Variants in ZNF516 observed in about 807,000 individuals in gnomAD.
ZNF516 encodes the protein zinc finger protein 516.
Under a neutral mutation model 79.7 loss-of-function variants are expected in ZNF516, and 19 were observed. That is an observed-to-expected ratio of 0.24 (90% CI 0.17 to 0.35). ZNF516 has a LOEUF of 0.35. Ranked by LOEUF, ZNF516 falls within the 10% of genes least tolerant of loss-of-function variation. The pLI is 1.00. For missense variants in ZNF516, 1,678 were observed against 1,679.5 expected (o/e 1.00, Z 0.02); for synonymous variants, 877 against 739.5 (o/e 1.19, Z -3.02).
rs1477488156 is a variant in ZNF516, at chr18:76,446,116, C to A, written c.-157-2905G>T. Among the ~76,000 whole-genome samples the A allele has an allele frequency of 3.9e-5, 6 of 152,348 alleles. No individual in the cohort carries two copies. The East Asian group carries it at 1.2e-3, about 29-fold the overall frequency. On this transcript the variant is annotated intron_variant, in intron 2 of 6. Transcript: ENST00000443185. ...GTCACCAGCCACATGCCTTTCTAGG[C>A]GTGTCCTTCACGCCCTCAACTCGTC...
At chr18:76,474,902 T>C (rs769965920) in intron 1 of ZNF516, among the ~76,000 whole-genome samples, 2 of 152,186 alleles carry the variant, frequency 1.3e-5, no homozygotes, top group Non-Finnish European at 2.9e-5. Flanking sequence ...AATTTTCTAA[T>C]AAAATCTAAC....
Position 76,459,220 on chromosome 18 carries a change from G to A in ZNF516, c.-158+3808C>T, listed in dbSNP as rs143716832. ...GCTGCCCCTCTCCTGTGCATAGGGC[G>A]CTCTCTCCCTGCCCCGAGCTTCGGC... On this transcript the variant is annotated intron_variant, in intron 2 of 6. Transcript: ENST00000443185. This position sits in a 1 kb window ranked among gnomAD's most constrained non-coding sequence, Gnocchi z 5.0. 2.7e-3 allele frequency among the ~76,000 whole-genome samples: 406 copies of A among 152,294 alleles called. 1 individual carries two copies. Among genetic ancestry groups the A allele is most frequent in the African/African-American group, 8.9e-3 (368 of 41,564 alleles).
At chr18:76,466,301 G>A (rs1032034469) in intron 1 of ZNF516, among the ~76,000 whole-genome samples, 1 of 152,190 alleles carries the variant, frequency 6.6e-6, no homozygotes, top group African/African-American at 2.4e-5. Flanking sequence ...GCACAGGGAG[G>A]GCTCTTGCAA....
At position 76,442,828 on chromosome 18, in the gene ZNF516, T is replaced by A. The variant is rs910183487; in HGVS notation, c.227A>T (p.Asn76Ile). The A allele has an allele frequency of 1.2e-6, 2 of 1,612,774 alleles. No individual in the cohort carries two copies. Among genetic ancestry groups the A allele is most frequent in the African/African-American group, 2.7e-5 (2 of 74,922 alleles). Residue 76 changes from asparagine to isoleucine, a missense_variant, in exon 3 of 7, where the codon AAC (asparagine) becomes ATC (isoleucine). Around this residue, in one of 5 missense-constraint regions of ZNF516, gnomAD observed 26 missense variants for 66.4 expected, o/e 0.39. Coordinates refer to ENST00000443185, the MANE Select transcript of ZNF516 (RefSeq NM_014643.4). ...YCDHRASQKG[N>I]LKIHIRSHRT... ...GTGGCTCCGGATGTGAATCTTCAGGTTGCCCTTCTGGGAAGCCCGGTGGTC... is the reference window on the plus strand; with the variant it reads ...GTGGCTCCGGATGTGAATCTTCAGGATGCCCTTCTGGGAAGCCCGGTGGTC...
At position 76,380,149 on chromosome 18, in the gene ZNF516, G is replaced by A. The variant is rs371923323; in HGVS notation, c.1965C>T (p.Asn655=). 2 of 1,613,922 alleles carry A rather than the reference G, an allele frequency of 1.2e-6. No homozygotes were observed. The highest frequency in any genetic ancestry group is 1.3e-5 in the African/African-American group (1 of 74,994). The part of the protein sequence containing the change: ...GIAASVSILE[N]SSRETSRRQE... ...GCCTTCTAGAAGTCTCTCTGCTACT[G>A]TTTTCAAGTATGGACACAGAAGCTG... The change falls in exon 4 of 7, where the codon AAC becomes AAT. Residue 655 remains asparagine, a synonymous_variant. Transcript: ENST00000443185.
chr18:76,495,132 C>G lies in ZNF516; in HGVS notation c.-272+12G>C, dbSNP rs1353174156. 1 of 150,048 alleles carries G rather than the reference C, an allele frequency of 6.7e-6. No homozygotes were observed. The highest frequency in any genetic ancestry group is 2.0e-4 in the East Asian group (1 of 5,052). 9.3% of individuals were successfully genotyped at this position (150,048 alleles called of 1,614,324 possible). A position where few individuals can be genotyped will look rare whatever the true frequency, so the allele number is the denominator to read the frequency against. On this transcript the variant is annotated intron_variant, in intron 1 of 6. Transcript: ENST00000443185. ...CCTGCGGCGCAGCCCTCCCCCCGCC[C>G]GCGGCCCCTACCTTGGCAGGGAGGC...
chr18:76,436,096 C>T (rs925634782), intron 3 of ZNF516, among the ~76,000 whole-genome samples: 1 of 152,238 alleles, frequency 6.6e-6, no homozygotes, highest in African/African-American at 2.4e-5. Flanking sequence ...GGCTGTGGCA[C>T]GACGAAGGAA....
chr18:76,378,597 A>G (rs540590653), intron 4 of ZNF516, among the ~76,000 whole-genome samples: 3 of 152,194 alleles, frequency 2.0e-5, no homozygotes, highest in Non-Finnish European at 4.4e-5. Context: ...ACCTCCTCCC[A>G]GGGCCAACGT....
At chr18:76,392,627 A>G (rs112206123) in intron 3 of ZNF516, among the ~76,000 whole-genome samples, 3 of 78,750 alleles carry the variant, frequency 3.8e-5, no homozygotes, top group Admixed American at 3.0e-4. Context: ...ACAAGTGGCC[A>G]GGTGGAGGGA....
intron 3 of ZNF516, among the ~76,000 whole-genome samples, chr18:76,440,745 TG>T: frequency 2.7e-5 from 1 of 37,724 alleles, no homozygotes; most frequent in Non-Finnish European, 5.7e-5. Context: ...TGTGTGTTTG[TG>T]TGTGTGTGTG....
At position 76,358,388 on chromosome 18, in the gene ZNF516, T is replaced by C. The variant is rs574945142; in HGVS notation, c.*4110A>G. 6.6e-6 allele frequency: 1 copy of C among 152,326 alleles called. No homozygotes were observed. Among genetic ancestry groups the C allele is most frequent in the Admixed American group, 6.5e-5 (1 of 15,304 alleles). 9.4% of individuals were successfully genotyped at this position (152,326 alleles called of 1,614,324 possible). ...GTATTTTAAAAAAAGAAATACAAAT[T>C]CTATGGTCTTTTGCATTTTACTGCC... On this transcript the variant is annotated 3_prime_UTR_variant, in exon 7 of 7. Coordinates refer to ENST00000443185, the MANE Select transcript of ZNF516 (RefSeq NM_014643.4).
rs778571913 is a variant in ZNF516 at position 76,441,638 on chromosome 18, C to T, written c.1417G>A (p.Ala473Thr). The change falls in exon 3 of 7, where the codon GCG becomes ACG. Residue 473 changes from alanine to threonine, a missense_variant. Coordinates refer to ENST00000443185, the MANE Select transcript of ZNF516 (RefSeq NM_014643.4). ...GCGCGCTTCCGCGGGGGCCCCTGCGCGGCTGGTGCATCCTGCTCACGCTTG... is the reference window on the plus strand; with the variant it reads ...GCGCGCTTCCGCGGGGGCCCCTGCGTGGCTGGTGCATCCTGCTCACGCTTG... Reference protein sequence around the residue: ...KRKREQDAPAAQGPPRKRASG... With the variant: ...KRKREQDAPATQGPPRKRASG... 4.2e-5 allele frequency: 64 copies of T among 1,529,666 alleles called. 1 individual carries two copies. The Middle Eastern group carries it at 1.2e-3, about 29-fold the overall frequency. The allele number at this position is 1,529,666 out of a possible 1,614,324, so 94.8% of individuals were successfully genotyped here.
Position 76,379,931 on chromosome 18 carries a change from G to C in ZNF516, c.2183C>G (p.Pro728Arg). ...HSGGGKRALAPDLMPLDLSAR... is the reference protein window; with the variant it reads ...HSGGGKRALARDLMPLDLSAR... ...ACTTAAATCTAGCGGCATGAGGTCTGGGGCCAGCGCCCGCTTCCCTCCCCC... is the reference window on the plus strand; with the variant it reads ...ACTTAAATCTAGCGGCATGAGGTCTCGGGCCAGCGCCCGCTTCCCTCCCCC... The change falls in exon 4 of 7, where the codon CCA (proline) becomes CGA (arginine). Residue 728 changes from proline to arginine, a missense_variant. Physicochemically the swap from Pro to Arg is moderately radical, Grantham distance 103. This residue lies in a region of ZNF516 where 1,294 missense variants were observed against 1,248.3 expected (regional missense o/e 1.04). Coordinates refer to ENST00000443185, the MANE Select transcript of ZNF516 (RefSeq NM_014643.4). 1 of 1,613,978 alleles carries C rather than the reference G, an allele frequency of 6.2e-7. No homozygotes were observed.
At chr18:76,395,916 G>T (rs73978107) in intron 3 of ZNF516, among the ~76,000 whole-genome samples, 4 of 152,234 alleles carry the variant, frequency 2.6e-5, no homozygotes, top group African/African-American at 9.6e-5. Context: ...GAGCTTCACC[G>T]TCCGGAAGTG....
At chr18:76,382,407 TA>T (rs1486259736) in intron 3 of ZNF516, among the ~76,000 whole-genome samples, 2 of 152,158 alleles carry the variant, frequency 1.3e-5, no homozygotes, top group African/African-American at 4.8e-5. Flanking sequence ...TTCCCTGCAG[TA>T]AAGGAATACA....
intron 3 of ZNF516, among the ~76,000 whole-genome samples, chr18:76,415,522 A>C (rs1272305234): frequency 6.6e-6 from 1 of 152,198 alleles, no homozygotes; most frequent in African/African-American, 2.4e-5. Context: ...GGGCACAGCC[A>C]GCTCTCAGCG....
chr18:76,362,522 T>G lies in ZNF516; in HGVS notation c.3468A>C (p.Thr1156=). 1 of 1,613,384 alleles carries G rather than the reference T, an allele frequency of 6.2e-7. No individual in the cohort carries two copies. Among genetic ancestry groups the G allele is most frequent in the Non-Finnish European group, 8.5e-7 (1 of 1,179,382 alleles). Residue 1156 remains threonine (T), a synonymous_variant, in exon 7 of 7, where the codon ACA becomes ACC. Transcript: ENST00000443185. ...RDHSNTGTVQ[T]VPLRKGT is the part of the protein sequence containing the mutation. ...TTTAGGTTCCCTTTCTCAGAGGCAC[T>G]GTCTGGACGGTACCTGTGTTAGAAT...
intron 3 of ZNF516, among the ~76,000 whole-genome samples, chr18:76,411,124 A>AGG (rs2075368297): frequency 6.6e-6 from 1 of 152,336 alleles, no homozygotes; most frequent in Non-Finnish European, 1.5e-5. Flanking sequence ...ACTGTCTAAC[A>AGG]GGTCCTCCTC....
intron 1 of ZNF516, among the ~76,000 whole-genome samples, chr18:76,476,687 A>T (rs1214075035): frequency 6.6e-6 from 1 of 152,164 alleles, no homozygotes; most frequent in African/African-American, 2.4e-5. Context: ...TTTTCCACTA[A>T]CCTCCAAAAC....
Sources: gnomAD v4.1 joint callset for allele counts (sites outside exome capture counted in the v4.1 genomes callset) on GRCh38, gnomAD v4.1.1 for gene constraint, gnomAD v4.1.1 regional missense constraint, Gnocchi (gnomAD v3.1) non-coding constraint, MANE v1.5 for transcripts, NCBI Gene and HGNC (gene_info 2026-07-23, HGNC 2026-07-21) for gene names.